The following IPO7 variants were observed in gnomAD, a reference collection of about 807,000 sequenced individuals.
IPO7 encodes the protein importin-7.
IPO7 carries 13 observed loss-of-function variants against 136.4 expected under a neutral mutation model. That is an observed-to-expected ratio of 0.10 (90% confidence interval 0.06 to 0.15). IPO7 has a LOEUF of 0.15. Ranked by LOEUF, IPO7 falls within the 10% of genes least tolerant of loss-of-function variation. The pLI is 1.00. For synonymous variants in IPO7, 403 were observed against 404.4 expected (o/e 1.00, Z 0.04); for missense variants, 857 against 1,240.6 (o/e 0.69, Z 4.65).
At chr11:9,387,021 T>A (rs965723734) in intron 1 of IPO7, among the ~76,000 whole-genome samples, 1 of 152,216 alleles carries the variant, frequency 6.6e-6, no homozygotes, top group Non-Finnish European at 1.5e-5. Context: ...CATTTAAATA[T>A]TTTTTGCTTT....
intron 2 of IPO7, among the ~76,000 whole-genome samples, chr11:9,407,675 G>A (rs1267087054): frequency 1.3e-5 from 2 of 152,004 alleles, no homozygotes; most frequent in Non-Finnish European, 2.9e-5. Context: ...TATTTCTGTC[G>A]GTTATCCTTG....
chr11:9,437,713 T>C (rs971481980), intron 20 of IPO7, 41 bp from the exon 21 acceptor site: 1 of 1,387,782 alleles, frequency 7.2e-7, no homozygotes, highest in African/African-American at 1.4e-5. Flanking sequence ...TTGCATGCTA[T>C]TAATTATAGT....
intron 6 of IPO7, among the ~76,000 whole-genome samples, chr11:9,417,676 A>C (rs1590439260): frequency 6.6e-6 from 1 of 151,018 alleles, no homozygotes; most frequent in East Asian, 1.9e-4. Context: ...ACTTTTTAAA[A>C]TTATTATAAT....
intron 1 of IPO7, 82 bp downstream of exon 1, chr11:9,384,929 G>A (rs1854529729): frequency 3.6e-6 from 4 of 1,100,350 alleles, no homozygotes; most frequent in Non-Finnish European, 4.0e-6. Context: ...CTGGCCGGAG[G>A]CGCGGACGAC....
chr11:9,433,106 T>G (rs1260233168), intron 16 of IPO7: 1 of 154,584 alleles, frequency 6.5e-6, no homozygotes, highest in Non-Finnish European at 1.4e-5. Context: ...TGCCTCAGCT[T>G]CCCAAGTAGC....
intron 12 of IPO7, among the ~76,000 whole-genome samples, chr11:9,428,242 A>T (rs1051039048): frequency 1.3e-5 from 2 of 152,242 alleles, no homozygotes; most frequent in Non-Finnish European, 2.9e-5. Flanking sequence ...TTTTTTCCTT[A>T]TAAAAGTTTC....
At chr11:9,441,427 A>G (rs1855458383) in intron 23 of IPO7, among the ~76,000 whole-genome samples, 1 of 152,220 alleles carries the variant, frequency 6.6e-6, no homozygotes, top group African/African-American at 2.4e-5. Flanking sequence ...TTTTCCTCTC[A>G]GAGTTAATTG....
At chr11:9,398,326 C>G (rs76743715) in intron 1 of IPO7, among the ~76,000 whole-genome samples, 5,803 of 152,130 alleles carry the variant, frequency 0.038, 350 homozygotes, top group African/African-American at 0.12. Flanking sequence ...GGCATAAGAC[C>G]CATCTACAAA....
intron 4 of IPO7, among the ~76,000 whole-genome samples, chr11:9,414,053 A>G (rs1297959277): frequency 6.6e-6 from 1 of 152,096 alleles, no homozygotes; most frequent in Non-Finnish European, 1.5e-5. Context: ...CTCATAATAC[A>G]TGTTCAGAAA....
In IPO7 at chr11:9,440,583, C is replaced by A; in HGVS notation, c.2824C>A (p.Leu942Met). ...WEEDDAEETA[L>M]EGYSTIIDDE... ...AGAAGATGATGCTGAAGAGACTGCT[C>A]TGGAAGGCTATTCCACAATCATTGA... Residue 942 changes from leucine to methionine, a missense_variant, in exon 23 of 25, where the codon CTG (leucine) becomes ATG (methionine). Transcript: ENST00000379719. 1 of 1,613,706 alleles carries A rather than the reference C, an allele frequency of 6.2e-7. No individual in the cohort carries two copies. Among genetic ancestry groups the A allele is most frequent in the Non-Finnish European group, 8.5e-7 (1 of 1,179,674 alleles).
chr11:9,417,128 G>T lies in IPO7; in HGVS notation c.706G>T (p.Val236Leu). 1 of 1,522,320 alleles carries T rather than the reference G, an allele frequency of 6.6e-7. No individual in the cohort carries two copies. The highest frequency in any genetic ancestry group is 9.1e-7 in the Non-Finnish European group (1 of 1,098,704). The allele number at this position is 1,522,320 out of a possible 1,614,324, so 94.3% of individuals were successfully genotyped here. A position where few individuals can be genotyped will look rare whatever the true frequency, so the allele number is the denominator to read the frequency against. Residue 236 changes from valine to leucine, a missense_variant, in exon 6 of 25, where the codon GTG becomes TTG. Physicochemically the swap from Val to Leu is conservative, Grantham distance 32. Around this residue, in one of 11 missense-constraint regions of IPO7, gnomAD observed 287 missense variants for 307.5 expected, o/e 0.93. Coordinates refer to ENST00000379719, the MANE Select transcript of IPO7 (RefSeq NM_006391.3). ...TEWIEILKTVVNRDVPNETLQ... is the reference protein window; with the variant it reads ...TEWIEILKTVLNRDVPNETLQ... ...ATGGATAGAAATTTTAAAGACTGTTGTGAACAGGGATGTACCTAATGTAAG... is the reference window on the plus strand; with the variant it reads ...ATGGATAGAAATTTTAAAGACTGTTTTGAACAGGGATGTACCTAATGTAAG...
intron 2 of IPO7, among the ~76,000 whole-genome samples, chr11:9,406,633 G>T (rs1854891839): frequency 6.6e-6 from 1 of 152,198 alleles, no homozygotes. Context: ...CACTTTGGAA[G>T]GCCGTAGATG....
In IPO7 at chr11:9,410,097, C is replaced by G. The variant is rs984945986; in HGVS notation, c.479+11C>G. Reference sequence around the variant, plus strand: ...TGTGAAAAATTATGAGTAAGTGTTTCTTTCAACTCCTATAGAGCTTTGAGA... The same window carrying G: ...TGTGAAAAATTATGAGTAAGTGTTTGTTTCAACTCCTATAGAGCTTTGAGA... On this transcript the variant is annotated intron_variant, in intron 4 of 24. Transcript: ENST00000379719. 5.8e-6 allele frequency: 9 copies of G among 1,559,178 alleles called. No homozygotes were observed. The highest frequency in any genetic ancestry group is 7.8e-6 in the Non-Finnish European group (9 of 1,154,684).
Position 9,387,149 on chromosome 11 carries a change from C to T in IPO7, c.84+2302C>T, listed in dbSNP as rs935613269. Among the ~76,000 whole-genome samples, 6 of 152,244 alleles carry T rather than the reference C, an allele frequency of 3.9e-5. No homozygotes were observed. In the South Asian group the frequency reaches 8.3e-4, roughly 21 times the overall value. ...TCTTGCTTTGGAGAAGATAGAAGAA[C>T]GAATTATTCTATGATGTCTCTCATT... On this transcript the variant is annotated intron_variant, in intron 1 of 24. Transcript: ENST00000379719.
intron 12 of IPO7, among the ~76,000 whole-genome samples, chr11:9,426,905 C>T (rs954222533): frequency 3.8e-5 from 4 of 104,020 alleles, no homozygotes; most frequent in African/African-American, 1.2e-4. Flanking sequence ...ATTTCCGCCT[C>T]CCCGCCCCCC....
intron 1 of IPO7, among the ~76,000 whole-genome samples, chr11:9,394,850 A>G (rs1243038327): frequency 6.6e-6 from 1 of 152,232 alleles, no homozygotes; most frequent in East Asian, 1.9e-4. Context: ...ATTAAGTGTG[A>G]CTATTGAAAT....
At position 9,432,936 on chromosome 11, in the gene IPO7, T is replaced by C. The variant is rs868319329; in HGVS notation, c.1882-634T>C. ...CATTGACGGTGACTTTTCAATTACA[T>C]TGAGCTGAATTAATCTCTATTTGCA... On this transcript the variant is annotated intron_variant, in intron 16 of 24. Transcript: ENST00000379719. 5.3e-5 allele frequency among the ~76,000 whole-genome samples: 8 copies of C among 152,214 alleles called. No homozygotes were observed. The South Asian group carries it at 1.5e-3, about 28-fold the overall frequency.
At chr11:9,392,168 A>ATTTT in intron 1 of IPO7, 4 of 339,850 alleles carry the variant, frequency 1.2e-5, no homozygotes, top group South Asian at 4.4e-5. Flanking sequence ...CCTTTGTCAA[A>ATTTT]TTCTTTTTTT....
chr11:9,386,098 C>A (rs1173977768), intron 1 of IPO7, among the ~76,000 whole-genome samples: 1 of 152,208 alleles, frequency 6.6e-6, no homozygotes, highest in Admixed American at 6.5e-5. Context: ...ACTAACTGGA[C>A]TTTCAGTGTA....
Sources: gnomAD v4.1 joint callset for allele counts (sites outside exome capture counted in the v4.1 genomes callset) on GRCh38, gnomAD v4.1.1 for gene constraint, gnomAD v4.1.1 regional missense constraint, MANE v1.5 for transcripts, NCBI Gene and HGNC (gene_info 2026-07-23, HGNC 2026-07-21) for gene names.